The following SLC1A2 variants were observed in gnomAD, a reference collection of about 807,000 sequenced individuals.
SLC1A2 encodes the protein excitatory amino acid transporter 2.
A neutral mutation model predicts 48.8 loss-of-function variants in SLC1A2; 15 were observed. That is an observed-to-expected ratio of 0.31 (90% CI 0.21 to 0.47). The LOEUF (loss-of-function observed/expected upper bound fraction) is 0.47, where lower values mean the gene tolerates loss of function less well. SLC1A2 is among the 20% of genes least tolerant of loss of function. The pLI is 0.99. For synonymous variants in SLC1A2, 279 were observed against 272.6 expected, an observed-to-expected ratio of 1.02 and a Z score of -0.23; for missense variants, 502 against 730.5, an observed-to-expected ratio of 0.69 and a Z score of 3.61.
intron 6 of SLC1A2, among the ~76,000 whole-genome samples, chr11:35,292,856 T>C (rs1343184108): frequency 6.6e-6 from 1 of 152,170 alleles, no homozygotes; most frequent in Non-Finnish European, 1.5e-5. Flanking sequence ...GGGAATCTTG[T>C]TTGATTTGTG....
chr11:35,415,491 T>C (rs1855578119), intron 1 of SLC1A2, among the ~76,000 whole-genome samples: 1 of 152,232 alleles, frequency 6.6e-6, no homozygotes. Context: ...GCCTGAGGCA[T>C]GCAACCTGCA....
intron 2 of SLC1A2, chr11:35,316,217 A>G (rs1851871170): frequency 6.6e-6 from 1 of 152,354 alleles, no homozygotes; most frequent in South Asian, 2.1e-4. Context: ...AAAATTTTAT[A>G]TCTCTGCAAA....
At chr11:35,415,318 T>A (rs1855574233) in intron 1 of SLC1A2, among the ~76,000 whole-genome samples, 1 of 152,228 alleles carries the variant, frequency 6.6e-6, no homozygotes, top group South Asian at 2.1e-4. Context: ...ACAAGTTTCA[T>A]CTGGATTTAG....
At chr11:35,278,339 G>A (rs528545881) in intron 9 of SLC1A2, among the ~76,000 whole-genome samples, 10 of 141,112 alleles carry the variant, frequency 7.1e-5, no homozygotes, top group South Asian at 2.3e-4. Context: ...GCAATGGCAC[G>A]ATCTCAGCTC....
intron 1 of SLC1A2, among the ~76,000 whole-genome samples, chr11:35,386,434 G>A (rs1854586625): frequency 6.6e-6 from 1 of 152,106 alleles, no homozygotes; most frequent in Admixed American, 6.6e-5. Flanking sequence ...TGAAATTCAG[G>A]GATGTCAGTG....
chr11:35,287,072 G>T, intron 7 of SLC1A2, 121 bp from the exon 8 acceptor site: 1 of 774,324 alleles, frequency 1.3e-6, no homozygotes, highest in Non-Finnish European at 2.1e-6. Flanking sequence ...CAAGCAATGT[G>T]ACATGCAAAA....
In SLC1A2 at chr11:35,293,962, G is replaced by A. The variant is rs562767893; in HGVS notation, c.858-1442C>T. 2.6e-5 allele frequency among the ~76,000 whole-genome samples: 4 copies of A among 152,302 alleles called. No individual in the cohort carries two copies. In the South Asian group the frequency reaches 8.3e-4, roughly 32 times the overall value. On this transcript the variant is annotated intron_variant, in intron 6 of 10. Coordinates refer to ENST00000278379, the MANE Select transcript of SLC1A2 (RefSeq NM_004171.4). ...GAGCGGCTAACTCCAACCTCATGGA[G>A]ATGCTGTGGGGATTAAATTTTTGAG...
intron 1 of SLC1A2, among the ~76,000 whole-genome samples, chr11:35,363,034 A>T (rs982084478): frequency 6.6e-6 from 1 of 152,234 alleles, no homozygotes; most frequent in Non-Finnish European, 1.5e-5. Flanking sequence ...AGAGAGACTG[A>T]GCAACTTGCT....
At position 35,312,323 on chromosome 11, in the gene SLC1A2, T is replaced by C. The variant is rs1851732150; in HGVS notation, c.436A>G (p.Asn146Asp). ...CCCAGCTGCTTCTTGAGCTTGGGAT[T>C]GCCTGGATGGATAGCCAAGACCAGA... ...VILVLAIHPG[N>D]PKLKKQLGPG... The change falls in exon 4 of 11, where the codon AAT becomes GAT. Residue 146 changes from asparagine to aspartate, a missense_variant. Around this residue, in one of 4 missense-constraint regions of SLC1A2, gnomAD observed 309 missense variants for 480.3 expected, o/e 0.64. Transcript: ENST00000278379. 1.2e-6 allele frequency: 2 copies of C among 1,614,130 alleles called. No individual in the cohort carries two copies. Among genetic ancestry groups the C allele is most frequent in the African/African-American group, 1.3e-5 (1 of 75,028 alleles).
intron 1 of SLC1A2, chr11:35,370,897 G>A: frequency 1.1e-6 from 1 of 942,876 alleles, no homozygotes; most frequent in Non-Finnish European, 1.3e-6. Flanking sequence ...AAGAAAAGAT[G>A]GCTAAGATAT....
In SLC1A2 at chr11:35,255,910, C is replaced by A. The variant is rs1474765266; in HGVS notation, c.*4984G>T. The A allele has an allele frequency of 1.3e-5, 2 of 152,100 alleles. No individual in the cohort carries two copies. Among genetic ancestry groups the A allele is most frequent in the African/African-American group, 4.8e-5 (2 of 41,404 alleles). The allele number at this position is 152,100 out of a possible 1,614,324, so 9.4% of individuals were successfully genotyped here. On this transcript the variant is annotated 3_prime_UTR_variant, in exon 11 of 11. Transcript: ENST00000278379. ...GAATAGAGGCTTGAATTTAATTTCT[C>A]CCAAAGGAGATGAGAAAAATCTAAA...
rs534996486 is a variant in SLC1A2 at position 35,253,429 on chromosome 11, C to T, written c.*7465G>A. Reference sequence around the variant, plus strand: ...TTCCTAAGCCAATTTCCACATAAACCTTTAGGAATGTATGAAACATTCTGA... The same window carrying T: ...TTCCTAAGCCAATTTCCACATAAACTTTTAGGAATGTATGAAACATTCTGA... On this transcript the variant is annotated 3_prime_UTR_variant, in exon 11 of 11. Transcript: ENST00000278379. 2.3e-4 allele frequency: 35 copies of T among 152,652 alleles called. No individual in the cohort carries two copies. The highest frequency in any genetic ancestry group is 8.4e-4 in the African/African-American group (35 of 41,536). The allele number at this position is 152,652 out of a possible 1,614,324, so 9.5% of individuals were successfully genotyped here.
chr11:35,277,898 CT>C lies in SLC1A2; in HGVS notation c.1421+2968del, dbSNP rs1203307877. 3.9e-5 allele frequency among the ~76,000 whole-genome samples: 6 copies of C among 152,214 alleles called. No homozygotes were observed. The East Asian group carries it at 1.2e-3, about 29-fold the overall frequency. Reference sequence around the variant, plus strand: ...ATGTCTTTATTTCCCTTTTGTCCCCCTTCCATCCATGGCCTACCCCATTCCT... The same window carrying C: ...ATGTCTTTATTTCCCTTTTGTCCCCCTCCATCCATGGCCTACCCCATTCCT... On this transcript the variant is annotated intron_variant, in intron 9 of 10. Coordinates refer to ENST00000278379, the MANE Select transcript of SLC1A2 (RefSeq NM_004171.4).
intron 2 of SLC1A2, chr11:35,315,427 T>G: frequency 3.0e-6 from 1 of 334,562 alleles, no homozygotes; most frequent in Non-Finnish European, 5.7e-6. Context: ...TTTATGAAAG[T>G]GCACACTGGC....
chr11:35,304,962 T>C (rs1454989790), intron 5 of SLC1A2, among the ~76,000 whole-genome samples: 1 of 152,250 alleles, frequency 6.6e-6, no homozygotes, highest in Non-Finnish European at 1.5e-5. Context: ...ATCTTTCAGA[T>C]GACAACGTGA....
intron 9 of SLC1A2, among the ~76,000 whole-genome samples, chr11:35,273,772 A>G (rs180772503): frequency 9.9e-4 from 151 of 152,294 alleles, no homozygotes; most frequent in African/African-American, 3.3e-3. Flanking sequence ...GAGAATGGGG[A>G]GGCTGGTATG....
In SLC1A2 at chr11:35,322,846, T is replaced by A; in HGVS notation, c.18-5330A>T. ...TCCCACATCCAGGGTTTCCCCCAGCTCCTTGAAGAATGCCACCCCTGCTTT... is the reference window on the plus strand; with the variant it reads ...TCCCACATCCAGGGTTTCCCCCAGCACCTTGAAGAATGCCACCCCTGCTTT... On this transcript the variant is annotated intron_variant, in intron 1 of 10. Transcript: ENST00000278379. 4 of 668,958 alleles carry A rather than the reference T, an allele frequency of 6.0e-6. No homozygotes were observed. The South Asian group carries it at 6.7e-5, about 11-fold the overall frequency. The allele number at this position is 668,958 out of a possible 1,614,324, so 41.4% of individuals were successfully genotyped here.
At chr11:35,309,262 G>A (rs1851612304) in intron 4 of SLC1A2, among the ~76,000 whole-genome samples, 1 of 152,066 alleles carries the variant, frequency 6.6e-6, no homozygotes, top group Admixed American at 6.6e-5. Context: ...ATGTAAGTGA[G>A]CTCCTTGGGG....
intron 7 of SLC1A2, among the ~76,000 whole-genome samples, chr11:35,288,302 C>A (rs955441901): frequency 6.6e-6 from 1 of 152,178 alleles, no homozygotes; most frequent in Non-Finnish European, 1.5e-5. Context: ...TCTCATGCCT[C>A]CTTCTTGGTC....
Sources: gnomAD v4.1 joint callset for allele counts (sites outside exome capture counted in the v4.1 genomes callset) on GRCh38, gnomAD v4.1.1 for gene constraint, gnomAD v4.1.1 regional missense constraint, MANE v1.5 for transcripts, NCBI Gene and HGNC (gene_info 2026-07-23, HGNC 2026-07-21) for gene names.